Variants in TCHP observed in about 807,000 individuals in gnomAD.
TCHP encodes trichoplein keratin filament binding.
TCHP carries 81 observed loss-of-function variants against 88.7 expected under a neutral mutation model. The ratio of observed to expected loss-of-function variants is 0.91; its 90% CI spans 0.76 to 1.10. TCHP has a LOEUF of 1.10. Among genes scored for constraint, TCHP ranks in the 50% least tolerant of loss-of-function variants. The probability of loss-of-function intolerance (pLI) is 0.00; values close to 1 mark genes in which losing one functional copy is unlikely to be tolerated. For synonymous variants in TCHP, 232 were observed against 232.5 expected (o/e 1.00, Z 0.02); for missense variants, 641 against 632.1 (o/e 1.01, Z -0.15).
the TCHP span, among the ~76,000 whole-genome samples, chr12:109,884,005 G>A: frequency 1.3e-5 from 2 of 152,014 alleles, no homozygotes; most frequent in East Asian, 1.9e-4. Flanking sequence ...GGAGACTTTG[G>A]AGAACTGGGG....
At position 109,904,740 on chromosome 12, in the gene TCHP, G is replaced by A; in HGVS notation, c.403G>A (p.Ala135Thr). 6.2e-7 allele frequency: 1 copy of A among 1,611,030 alleles called. No individual in the cohort carries two copies. The highest frequency in any genetic ancestry group is 8.5e-7 in the Non-Finnish European group (1 of 1,179,280). Residue 135 changes from alanine to threonine, a missense_variant, in exon 4 of 13, where the codon GCT becomes ACT. Ala to Thr is a moderately conservative substitution (Grantham distance 58). Coordinates refer to ENST00000405876, the MANE Select transcript of TCHP (RefSeq NM_001143852.2). ...CCATTTTGTGTTTTCTTGATAGATT[G>A]CTGAACAACTTTTGTACGAACACTG... is the stretch of plus-strand genomic sequence containing the variant. ...SAKEEQRKLI[A>T]EQLLYEHWKK...
intron 12 of TCHP, among the ~76,000 whole-genome samples, chr12:109,916,304 T>A (rs1477611565): frequency 6.6e-6 from 1 of 152,222 alleles, no homozygotes; most frequent in Non-Finnish European, 1.5e-5. Context: ...AAACACTGAC[T>A]GTCACAGTCA....
intron 8 of TCHP, among the ~76,000 whole-genome samples, chr12:109,910,175 C>A (rs1013780954): frequency 6.6e-6 from 1 of 152,100 alleles, no homozygotes; most frequent in Non-Finnish European, 1.5e-5. Flanking sequence ...TTAGATTGAA[C>A]CTGTTCTTTT....
the TCHP span, among the ~76,000 whole-genome samples, chr12:109,891,998 G>T: frequency 6.6e-6 from 1 of 152,082 alleles, no homozygotes; most frequent in Non-Finnish European, 1.5e-5. Context: ...TTCTACTCAA[G>T]GTTTCAGTAG....
chr12:109,908,820 T>C, intron 7 of TCHP, 51 bp from the exon 8 acceptor site: 2 of 1,602,732 alleles, frequency 1.2e-6, no homozygotes, highest in East Asian at 2.2e-5. Flanking sequence ...CTAACTTCTA[T>C]TTAATTCTTT....
intron 4 of TCHP, 131 bp downstream of exon 4, chr12:109,904,924 G>T (rs906717556): frequency 1.5e-5 from 11 of 757,956 alleles, no homozygotes; most frequent in Admixed American, 8.4e-5. Context: ...TGAAAAGAGC[G>T]CCAGGCAGAA....
At chr12:109,897,705 A>C (rs949559377), upstream of TCHP, among the ~76,000 whole-genome samples, 2 of 151,826 alleles carry the variant, frequency 1.3e-5, no homozygotes, top group Non-Finnish European at 2.9e-5. Flanking sequence ...TTACAAGTGC[A>C]TGCCACCACA....
intron 5 of TCHP, among the ~76,000 whole-genome samples, chr12:109,907,139 C>T (rs369369828): frequency 3.3e-5 from 5 of 152,230 alleles, no homozygotes; most frequent in Admixed American, 6.5e-5. Flanking sequence ...TCTCCCACCT[C>T]GGCCTCCCAA....
At chr12:109,915,039 C>T (rs1202277605) in intron 11 of TCHP, 1 of 434,456 alleles carries the variant, frequency 2.3e-6, no homozygotes, top group African/African-American at 2.0e-5. Context: ...GCCACGCATA[C>T]AGCCTCTCCA....
chr12:109,894,868 A>G, the TCHP span, among the ~76,000 whole-genome samples: 7 of 150,252 alleles, frequency 4.7e-5, no homozygotes, highest in Non-Finnish European at 1.0e-4. Context: ...GCTAGTGGGC[A>G]TGTGTTCCAG....
At chr12:109,886,658 G>A in the TCHP span, among the ~76,000 whole-genome samples, 5 of 152,080 alleles carry the variant, frequency 3.3e-5, no homozygotes, top group Admixed American at 1.3e-4. Context: ...ATGGCATTTC[G>A]AAACCAAGAT....
At chr12:109,884,429 C>A in the TCHP span, among the ~76,000 whole-genome samples, 2 of 152,116 alleles carry the variant, frequency 1.3e-5, no homozygotes, top group African/African-American at 4.8e-5. Context: ...ACCTCATGAT[C>A]CACCTGCCTC....
At chr12:109,912,961 C>G (rs1870592371) in intron 9 of TCHP, 30 bp from the exon 10 acceptor site, 3 of 1,600,728 alleles carry the variant, frequency 1.9e-6, no homozygotes, top group Non-Finnish European at 2.6e-6. Flanking sequence ...CGGGGAGGAG[C>G]CTGCTGTCAT....
chr12:109,882,253 G>A, the TCHP span, among the ~76,000 whole-genome samples: 2 of 151,678 alleles, frequency 1.3e-5, no homozygotes, highest in East Asian at 3.9e-4. Context: ...CCAACATGGT[G>A]AAACCCCATC....
chr12:109,912,613 A>G (rs1408828628), intron 9 of TCHP, among the ~76,000 whole-genome samples: 1 of 152,164 alleles, frequency 6.6e-6, no homozygotes, highest in Non-Finnish European at 1.5e-5. Context: ...CAACATGGTG[A>G]AACCCTGTCT....
At chr12:109,915,637 G>GAGAGCAGACCCC in intron 12 of TCHP, 91 bp downstream of exon 12, 1 of 1,419,754 alleles carries the variant, frequency 7.0e-7, no homozygotes, top group Non-Finnish European at 9.4e-7. Flanking sequence ...CCCCGCGCCG[G>GAGAGCAGACCCC]GGTCTGCTCT....
At chr12:109,908,467 C>A (rs1870273712) in intron 6 of TCHP, 119 bp from the exon 7 acceptor site, 1 of 792,470 alleles carries the variant, frequency 1.3e-6, no homozygotes, top group Non-Finnish European at 2.1e-6. Context: ...ATCGTGACCA[C>A]CTGCATGGCC....
chr12:109,914,577 G>A lies in TCHP; in HGVS notation c.1270G>A (p.Glu424Lys), dbSNP rs1314323267. ...GAGAGAGTTGGCTCGTCGCGAGAAA[G>A]AGGAGAGTGAAAAGCTGAAATCGGC... is the stretch of plus-strand genomic sequence containing the variant. ...EVRELARREK[E>K]ESEKLKSARK... Residue 424 changes from glutamate (E) to lysine (K), a missense_variant, in exon 11 of 13, where the codon GAG becomes AAG. By Grantham distance (56) the Glu-to-Lys change is moderately conservative. Coordinates refer to ENST00000405876, the MANE Select transcript of TCHP (RefSeq NM_001143852.2). 1.2e-6 allele frequency: 2 copies of A among 1,613,500 alleles called. No individual in the cohort carries two copies. Among genetic ancestry groups the A allele is most frequent in the South Asian group, 2.2e-5 (2 of 91,008 alleles).
At chr12:109,892,186 C>CA in the TCHP span, among the ~76,000 whole-genome samples, 38 of 150,404 alleles carry the variant, frequency 2.5e-4, no homozygotes, top group South Asian at 1.7e-3. Flanking sequence ...GATACCATCT[C>CA]AAAAAAAAAT....
Sources: allele counts gnomAD v4.1 joint callset (sites outside exome capture counted in the v4.1 genomes callset), GRCh38; gene constraint gnomAD v4.1.1; transcripts MANE v1.5; gene names NCBI Gene and HGNC (gene_info 2026-07-23, HGNC 2026-07-21).